TWSG1: variants seen among roughly 807,000 people sequenced by gnomAD.
The protein encoded by TWSG1 is twisted gastrulation BMP signaling modulator 1.
A neutral mutation model predicts 23.0 loss-of-function variants in TWSG1; 15 were observed. The observed-to-expected ratio is 0.65, with a 90% CI of 0.44 to 1.00. TWSG1 has a LOEUF of 1.00. Among genes scored for constraint, TWSG1 ranks in the 50% least tolerant of loss-of-function variants. The pLI, the probability that TWSG1 is intolerant of heterozygous loss-of-function variation, is 0.00. For synonymous variants in TWSG1, 86 were observed against 92.8 expected (o/e 0.93, Z 0.42); for missense variants, 242 against 278.7 (o/e 0.87, Z 0.94).
chr18:9,399,728 G>A lies in TWSG1; in HGVS notation c.*201G>A. The A allele has an allele frequency of 2.1e-6, 1 of 467,714 alleles. No homozygotes were observed. Among genetic ancestry groups the A allele is most frequent in the Non-Finnish European group, 3.7e-6 (1 of 270,396 alleles). The allele number at this position is 467,714 out of a possible 1,614,324, so 29.0% of individuals were successfully genotyped here. On this transcript the variant is annotated 3_prime_UTR_variant, in exon 5 of 5. Coordinates refer to ENST00000262120, the MANE Select transcript of TWSG1 (RefSeq NM_020648.6). ...TTCTTACTGATTTTATTGCCCCCTA[G>A]CAATAAGCCCTTTCCTTTGAATACA... is the stretch of plus-strand genomic sequence containing the variant.
intron 3 of TWSG1, among the ~76,000 whole-genome samples, chr18:9,367,849 G>A (rs1605476): frequency 0.47 from 71,634 of 151,938 alleles, 18,157 homozygotes; most frequent in East Asian, 0.71. Flanking sequence ...TGTATATAAA[G>A]TGGAATTGTA....
chr18:9,389,671 G>A (rs2145631821), intron 3 of TWSG1, among the ~76,000 whole-genome samples: 1 of 152,196 alleles, frequency 6.6e-6, no homozygotes, highest in African/African-American at 2.4e-5. Flanking sequence ...GGAAATAGAT[G>A]GTTTTTTTCT....
At chr18:9,367,927 G>C (rs536854160) in intron 3 of TWSG1, among the ~76,000 whole-genome samples, 1 of 152,182 alleles carries the variant, frequency 6.6e-6, no homozygotes, top group African/African-American at 2.4e-5. Context: ...TGGACAATTA[G>C]GTTGATTCTC....
chr18:9,359,340 G>A (rs1268562782), intron 2 of TWSG1, among the ~76,000 whole-genome samples: 1 of 152,096 alleles, frequency 6.6e-6, no homozygotes, highest in African/African-American at 2.4e-5. Flanking sequence ...ACTCAGAAGT[G>A]ACATAATCTC....
At chr18:9,337,512 C>A (rs372835082) in intron 2 of TWSG1, among the ~76,000 whole-genome samples, 160 bp downstream of exon 2, 1 of 152,116 alleles carries the variant, frequency 6.6e-6, no homozygotes, top group Admixed American at 6.5e-5. Flanking sequence ...TGGATTTTTA[C>A]CCTCATAGCA....
chr18:9,337,335 A>T lies in TWSG1; in HGVS notation c.106A>T (p.Ser36Cys), dbSNP rs1179003373. ...CNKALCASDV[S>C]KCLIQELCQC... The stretch of plus-strand genomic sequence containing the variant: ...CAAAGCACTCTGTGCTAGTGATGTG[A>T]GCAAATGCCTCATTCAGGTAGGACT... The change falls in exon 2 of 5, where the codon AGC becomes TGC. Residue 36 changes from serine (S) to cysteine (C), a missense_variant. Physicochemically the swap from Ser to Cys is moderately radical, Grantham distance 112 (BLOSUM62 -1). Transcript: ENST00000262120. 2.5e-6 allele frequency: 4 copies of T among 1,613,396 alleles called. No individual in the cohort carries two copies. The African/African-American group carries it at 5.3e-5, about 22-fold the overall frequency.
At chr18:9,383,471 C>T (rs543134440) in intron 3 of TWSG1, among the ~76,000 whole-genome samples, 1 of 152,128 alleles carries the variant, frequency 6.6e-6, no homozygotes, top group Non-Finnish European at 1.5e-5. Flanking sequence ...GGATTACAGG[C>T]ATGAGCCACT....
At chr18:9,362,660 C>CT (rs2040557784) in intron 3 of TWSG1, among the ~76,000 whole-genome samples, 1 of 152,172 alleles carries the variant, frequency 6.6e-6, no homozygotes, top group Non-Finnish European at 1.5e-5. Context: ...ATGTGTGTGT[C>CT]TTAACCATCA....
rs1009317434 is a variant in TWSG1 at position 9,400,138 on chromosome 18, C to T, written c.*611C>T. On this transcript the variant is annotated 3_prime_UTR_variant, in exon 5 of 5. Coordinates refer to ENST00000262120, the MANE Select transcript of TWSG1 (RefSeq NM_020648.6). ...GAACTCTTACATAGTAGAATCCATT[C>T]TATAATACATGTGTTGACAAAGCTT... is the stretch of plus-strand genomic sequence containing the variant. 5 of 152,148 alleles carry T rather than the reference C, an allele frequency of 3.3e-5. No individual in the cohort carries two copies. Among genetic ancestry groups the T allele is most frequent in the African/African-American group, 1.2e-4 (5 of 41,444 alleles). The allele number at this position is 152,148 out of a possible 1,614,324, so 9.4% of individuals were successfully genotyped here. A position where few individuals can be genotyped will look rare whatever the true frequency, so the allele number is the denominator to read the frequency against.
Position 9,342,801 on chromosome 18 carries a change from TGCC to T in TWSG1, c.123+5450_123+5452del. Among the ~76,000 whole-genome samples the T allele has an allele frequency of 1.3e-5, 2 of 152,186 alleles. 1 individual carries two copies. Among genetic ancestry groups the T allele is most frequent in the East Asian group, 3.9e-4 (2 of 5,190 alleles). On this transcript the variant is annotated intron_variant, in intron 2 of 4. Transcript: ENST00000262120. ...CAGTAACCCTTATTTTGTCCCAACATGCCCTCAAGTAACTTCCTAAGAAAGCCT... is the reference window on the plus strand; with the variant it reads ...CAGTAACCCTTATTTTGTCCCAACATCTCAAGTAACTTCCTAAGAAAGCCT...
chr18:9,370,425 A>G (rs1185688005), intron 3 of TWSG1, among the ~76,000 whole-genome samples: 1 of 152,180 alleles, frequency 6.6e-6, no homozygotes, highest in Non-Finnish European at 1.5e-5. Flanking sequence ...CCCAAATTCA[A>G]CCATCGTCAG....
intron 1 of TWSG1, among the ~76,000 whole-genome samples, chr18:9,335,947 A>T (rs923348098): frequency 6.6e-6 from 1 of 152,184 alleles, no homozygotes; most frequent in African/African-American, 2.4e-5. Flanking sequence ...TTTTAACCTG[A>T]AGAAATGATA....
chr18:9,377,778 G>A (rs1254289374), intron 3 of TWSG1, among the ~76,000 whole-genome samples: 1 of 152,014 alleles, frequency 6.6e-6, no homozygotes. Context: ...GGAGTGCAGT[G>A]GCATGATGTC....
chr18:9,371,293 A>G (rs948844719), intron 3 of TWSG1, among the ~76,000 whole-genome samples: 1 of 149,094 alleles, frequency 6.7e-6, no homozygotes, highest in Non-Finnish European at 1.5e-5. Flanking sequence ...GATTTTAGAA[A>G]TCACTTTTTT....
In TWSG1 at chr18:9,377,375, C is replaced by T. The variant is rs575873630; in HGVS notation, c.223+17304C>T. ...CTGGGATTACAGGCATGAGCCACCA[C>T]GCCCAGCTAATTTTTGTATTTTTAG... On this transcript the variant is annotated intron_variant, in intron 3 of 4. Transcript: ENST00000262120. Among the ~76,000 whole-genome samples the T allele has an allele frequency of 5.4e-3, 825 of 152,124 alleles. 8 individuals carry two copies. The highest frequency in any genetic ancestry group is 0.019 in the African/African-American group (789 of 41,506).
chr18:9,383,199 T>G (rs1466477229), intron 3 of TWSG1, among the ~76,000 whole-genome samples: 24 of 89,814 alleles, frequency 2.7e-4, no homozygotes, highest in South Asian at 3.9e-4. Flanking sequence ...TTTTTGTTTT[T>G]TTTTTTTTTT....
chr18:9,366,815 A>G (rs1453916907), intron 3 of TWSG1, among the ~76,000 whole-genome samples: 1 of 152,182 alleles, frequency 6.6e-6, no homozygotes, highest in Non-Finnish European at 1.5e-5. Context: ...AAATAATAGT[A>G]TATATTTACC....
chr18:9,358,775 T>A (rs1161573969), intron 2 of TWSG1, among the ~76,000 whole-genome samples: 1 of 152,230 alleles, frequency 6.6e-6, no homozygotes, highest in East Asian at 1.9e-4. Flanking sequence ...CATGGAAGGA[T>A]GGTTTTGTTG....
chr18:9,345,885 A>G (rs1478004762), intron 2 of TWSG1, among the ~76,000 whole-genome samples: 1 of 152,232 alleles, frequency 6.6e-6, no homozygotes, highest in Non-Finnish European at 1.5e-5. Context: ...AAGGGTTCCC[A>G]TATACCCATT....
Sources: allele counts gnomAD v4.1 joint callset (sites outside exome capture counted in the v4.1 genomes callset), GRCh38; gene constraint gnomAD v4.1.1; transcripts MANE v1.5; gene names NCBI Gene and HGNC (gene_info 2026-07-23, HGNC 2026-07-21).